Variants in PDE4D observed in about 807,000 individuals in gnomAD.
The protein encoded by PDE4D is 3',5'-cyclic-AMP phosphodiesterase 4D.
PDE4D carries 24 observed loss-of-function variants against 87.4 expected under a neutral mutation model. That is an observed-to-expected ratio of 0.27 (90% CI 0.20 to 0.39). The LOEUF is 0.39. PDE4D is among the 10% of genes least tolerant of loss of function. The probability of loss-of-function intolerance (pLI) is 1.00; values close to 1 mark genes in which losing one functional copy is unlikely to be tolerated. For synonymous variants in PDE4D, 384 were observed against 383.2 expected, an observed-to-expected ratio of 1.00 and a Z score of -0.02; for missense variants, 714 against 1,041.0, an observed-to-expected ratio of 0.69 and a Z score of 4.32.
chr5:59,086,703 T>C (rs542047738), intron 5 of PDE4D, among the ~76,000 whole-genome samples: 5 of 152,288 alleles, frequency 3.3e-5, no homozygotes, highest in Admixed American at 1.3e-4. Context: ...TTTTACTATC[T>C]TATGGACAGC....
intron 1 of PDE4D, among the ~76,000 whole-genome samples, chr5:59,244,676 G>GTC (rs1758448105): frequency 1.1e-5 from 1 of 90,400 alleles, no homozygotes; most frequent in Admixed American, 1.4e-4. Context: ...GTATGTGTGT[G>GTC]TGTCTGTGTG....
At chr5:59,076,906 T>C (rs1189652065) in intron 5 of PDE4D, among the ~76,000 whole-genome samples, 1 of 152,176 alleles carries the variant, frequency 6.6e-6, no homozygotes, top group African/African-American at 2.4e-5. Flanking sequence ...GATACCACAA[T>C]TCAAAGCAGT....
intron 1 of PDE4D, among the ~76,000 whole-genome samples, chr5:60,313,065 TA>T (rs1270867734): frequency 6.7e-6 from 1 of 149,972 alleles, no homozygotes; most frequent in Non-Finnish European, 1.5e-5. Context: ...GGAAAGGAAA[TA>T]ACCAAAATCA....
intron 3 of PDE4D, among the ~76,000 whole-genome samples, chr5:59,187,735 AG>A (rs1319740106): frequency 6.6e-6 from 1 of 152,122 alleles, no homozygotes. Context: ...ATTATTTCCT[AG>A]GCATGCCAGT....
intron 2 of PDE4D, among the ~76,000 whole-genome samples, chr5:60,181,257 T>C (rs1159871296): frequency 1.3e-5 from 2 of 152,184 alleles, no homozygotes; most frequent in Admixed American, 6.6e-5. Context: ...GAAAAAAATA[T>C]ATATTTTCTT....
chr5:59,626,183 A>G (rs796095076), intron 1 of PDE4D, among the ~76,000 whole-genome samples: 2 of 152,384 alleles, frequency 1.3e-5, no homozygotes, highest in African/African-American at 4.8e-5. Context: ...ATTCTATAAA[A>G]TAACAGTTGG....
chr5:59,924,897 C>T (rs144382562), intron 3 of PDE4D, among the ~76,000 whole-genome samples: 1 of 152,106 alleles, frequency 6.6e-6, no homozygotes, highest in East Asian at 1.9e-4. Context: ...TAACTACAGC[C>T]AGGCATAGTG....
intron 1 of PDE4D, among the ~76,000 whole-genome samples, chr5:60,240,779 A>G (rs1212741518): frequency 6.6e-6 from 1 of 152,180 alleles, no homozygotes; most frequent in Non-Finnish European, 1.5e-5. Flanking sequence ...AAGAATACCA[A>G]GGCAGTACCT....
chr5:59,073,179 C>T (rs992537543), intron 5 of PDE4D, among the ~76,000 whole-genome samples: 19 of 152,118 alleles, frequency 1.2e-4, no homozygotes, highest in Admixed American at 1.0e-3. Context: ...TGAGTCCCAT[C>T]CTTACAGGAT....
At position 58,974,645 on chromosome 5, in the gene PDE4D, C is replaced by A; in HGVS notation, c.*19G>T. ...TTTTTCTACTTAAAAAAAAAAAAGG[C>A]ATGAAAGTTTTTGCACTGTTACGTG... On this transcript the variant is annotated 3_prime_UTR_variant, in exon 15 of 15. Coordinates refer to ENST00000340635, the MANE Select transcript of PDE4D (RefSeq NM_001104631.2). The A allele has an allele frequency of 1.3e-6, 2 of 1,505,170 alleles. No individual in the cohort carries two copies. The highest frequency in any genetic ancestry group is 8.9e-7 in the Non-Finnish European group (1 of 1,125,448). 93.2% of individuals were successfully genotyped at this position (1,505,170 alleles called of 1,614,324 possible).
chr5:59,151,603 T>C (rs1408110637), intron 5 of PDE4D, among the ~76,000 whole-genome samples: 2 of 152,142 alleles, frequency 1.3e-5, no homozygotes, highest in African/African-American at 4.8e-5. Context: ...TAATCACTGA[T>C]GGTACTCCCT....
At chr5:59,235,557 C>T (rs1279588519) in intron 1 of PDE4D, among the ~76,000 whole-genome samples, 1 of 152,138 alleles carries the variant, frequency 6.6e-6, no homozygotes, top group African/African-American at 2.4e-5. Context: ...GTTCTTTGGA[C>T]TAAAGATTTA....
At chr5:59,087,656 A>T (rs374206235) in intron 5 of PDE4D, among the ~76,000 whole-genome samples, 4 of 152,278 alleles carry the variant, frequency 2.6e-5, no homozygotes, top group African/African-American at 9.6e-5. Context: ...TTTTAGCATA[A>T]TATCTAACAT....
chr5:60,298,601 C>T (rs1001359457), intron 1 of PDE4D, among the ~76,000 whole-genome samples: 1 of 152,154 alleles, frequency 6.6e-6, no homozygotes, highest in Non-Finnish European at 1.5e-5. Flanking sequence ...CCCTTAACTT[C>T]CTTCTGTGTT....
At chr5:60,075,150 G>A (rs759071512) in intron 2 of PDE4D, among the ~76,000 whole-genome samples, 11 of 152,090 alleles carry the variant, frequency 7.2e-5, no homozygotes, top group Non-Finnish European at 8.8e-5. Flanking sequence ...GTCTGATAAC[G>A]GTCTTTCCTT....
chr5:59,944,401 C>T (rs1397307104), intron 3 of PDE4D, among the ~76,000 whole-genome samples: 5 of 151,924 alleles, frequency 3.3e-5, no homozygotes, highest in African/African-American at 1.2e-4. Flanking sequence ...GAGACGGAGT[C>T]TCGCTCTGTC....
intron 1 of PDE4D, among the ~76,000 whole-genome samples, chr5:59,675,369 C>T (rs565498358): frequency 4.6e-5 from 7 of 152,234 alleles, no homozygotes; most frequent in Middle Eastern, 3.4e-3. Flanking sequence ...AGTGTGTCTG[C>T]GAGCTGTAGC....
intron 1 of PDE4D, among the ~76,000 whole-genome samples, chr5:59,371,695 TAACTA>T (rs1275132499): frequency 2.6e-5 from 4 of 152,184 alleles, no homozygotes; most frequent in African/African-American, 9.6e-5. Flanking sequence ...TAAAAACTAA[TAACTA>T]AAGTATTAGA....
intron 1 of PDE4D, among the ~76,000 whole-genome samples, chr5:60,279,984 T>C (rs1416366940): frequency 6.6e-6 from 1 of 152,100 alleles, no homozygotes; most frequent in African/African-American, 2.4e-5. Context: ...TCAGCCCATG[T>C]TGTTGATTTC....
Sources: allele counts gnomAD v4.1 joint callset (sites outside exome capture counted in the v4.1 genomes callset), GRCh38; gene constraint gnomAD v4.1.1; transcripts MANE v1.5; gene names NCBI Gene and HGNC (gene_info 2026-07-23, HGNC 2026-07-21).